The following SORBS3 variants were observed in gnomAD, a reference collection of about 807,000 sequenced individuals.
SORBS3 encodes the protein vinexin.
Under a neutral mutation model 98.0 loss-of-function variants are expected in SORBS3, and 69 were observed. The observed-to-expected ratio is 0.70, with a 90% confidence interval of 0.58 to 0.86. SORBS3 has a LOEUF of 0.86. SORBS3 is among the 40% of genes least tolerant of loss of function. The pLI is 0.00. For missense variants in SORBS3, 954 were observed against 908.5 expected (o/e 1.05, Z -0.64); for synonymous variants, 394 against 355.4 (o/e 1.11, Z -1.22).
rs1323403534 is a variant in SORBS3, at chr8:22,575,051, A to G, written c.*323A>G. 3.9e-6 allele frequency: 2 copies of G among 510,294 alleles called. No individual in the cohort carries two copies. The highest frequency in any genetic ancestry group is 3.9e-5 in the African/African-American group (2 of 51,450). 31.6% of individuals were successfully genotyped at this position (510,294 alleles called of 1,614,324 possible). Reference sequence around the variant, plus strand: ...AAGTCCCCCACCCCCATCCTGCTCCAGCGTTTCCTCTAACAGGGACCAGCT... The same window carrying G: ...AAGTCCCCCACCCCCATCCTGCTCCGGCGTTTCCTCTAACAGGGACCAGCT... On this transcript the variant is annotated 3_prime_UTR_variant, in exon 21 of 21. Coordinates refer to ENST00000240123, the MANE Select transcript of SORBS3 (RefSeq NM_005775.5).
chr8:22,561,171 G>A (rs1314600303), intron 5 of SORBS3, 164 bp from the exon 6 acceptor site: 2 of 655,770 alleles, frequency 3.0e-6, no homozygotes, highest in Non-Finnish European at 5.0e-6. Flanking sequence ...CCTCCAGAGA[G>A]CTGCCCTCCT....
chr8:22,551,837 G>A (rs540660496), upstream of SORBS3: 287 of 985,700 alleles, frequency 2.9e-4, no homozygotes, highest in African/African-American at 4.6e-3. The surrounding 1 kb of genome is among the most constrained non-coding windows in gnomAD (Gnocchi z 5.8). Flanking sequence ...GCGCCCCTTC[G>A]GCCTCCCTCT....
chr8:22,556,925 G>A lies in SORBS3; in HGVS notation c.414+17G>A, dbSNP rs778276548. ...CCCCGATCCGTGAGTCCAGGGCTGG[G>A]GGCCACGGAGAGATGGGGCCCAGGG... On this transcript the variant is annotated intron_variant, in intron 4 of 20. Coordinates refer to ENST00000240123, the MANE Select transcript of SORBS3 (RefSeq NM_005775.5). 1 of 1,610,726 alleles carries A rather than the reference G, an allele frequency of 6.2e-7. No individual in the cohort carries two copies.
In SORBS3 at chr8:22,564,437, C is replaced by T. The variant is rs544909666; in HGVS notation, c.763-31C>T. 2.3e-5 allele frequency: 37 copies of T among 1,614,074 alleles called. No individual in the cohort carries two copies. In the South Asian group the frequency reaches 3.5e-4, roughly 15 times the overall value. ...TGATACATTTTGGAAAGTGAGTTCA[C>T]CTGCTCTGACACACCCTTTCTACCC... On this transcript the variant is annotated intron_variant, in intron 9 of 20. Transcript: ENST00000240123.
chr8:22,562,218 T>G (rs772690035), intron 7 of SORBS3, among the ~76,000 whole-genome samples: 1 of 152,132 alleles, frequency 6.6e-6, no homozygotes, highest in Non-Finnish European at 1.5e-5. Context: ...GCAGGAACTC[T>G]TTGCCCCAAA....
chr8:22,572,497 T>A (rs117852268), intron 20 of SORBS3, 51 bp downstream of exon 20: 16,411 of 1,407,194 alleles, frequency 0.012, 168 homozygotes, highest in South Asian at 0.031. Flanking sequence ...GGGATGTGGG[T>A]GGGGTGCTGT....
intron 1 of SORBS3, among the ~76,000 whole-genome samples, chr8:22,553,668 G>C (rs990204912): frequency 2.0e-5 from 3 of 152,302 alleles, no homozygotes; most frequent in Non-Finnish European, 2.9e-5. Context: ...AGGGGCGGGA[G>C]AAAGTGGAGC....
intron 10 of SORBS3, 177 bp downstream of exon 10, chr8:22,564,698 G>C: frequency 7.1e-7 from 1 of 1,401,454 alleles, no homozygotes; most frequent in Non-Finnish European, 9.4e-7. Flanking sequence ...GAGGCGCTCA[G>C]TAAACATGTG....
chr8:22,569,300 G>A (rs778209608), intron 17 of SORBS3, 27 bp downstream of exon 17: 11 of 1,558,286 alleles, frequency 7.1e-6, no homozygotes, highest in Non-Finnish European at 9.6e-6. Context: ...ACGGAGGGGT[G>A]GGTGGGGGCA....
intron 20 of SORBS3, among the ~76,000 whole-genome samples, chr8:22,574,172 C>G (rs1339143407): frequency 6.6e-6 from 1 of 151,392 alleles, no homozygotes; most frequent in East Asian, 2.1e-4. Context: ...CGCTGGGGTT[C>G]CCCCCCCTCC....
At chr8:22,561,433 G>A (rs1334227988) in intron 6 of SORBS3, 60 bp downstream of exon 6, 8 of 1,599,190 alleles carry the variant, frequency 5.0e-6, no homozygotes, top group African/African-American at 2.7e-5. Flanking sequence ...GCCCCTCCCT[G>A]GGGCTGGGAC....
At position 22,572,497 on chromosome 8, in the gene SORBS3, T is replaced by G. The variant is rs117852268; in HGVS notation, c.1954+51T>G. 3 of 1,407,306 alleles carry G rather than the reference T, an allele frequency of 2.1e-6. No individual in the cohort carries two copies. In the East Asian group the frequency reaches 6.8e-5, roughly 32 times the overall value. The allele number at this position is 1,407,306 out of a possible 1,614,324, so 87.2% of individuals were successfully genotyped here. A position where few individuals can be genotyped will look rare whatever the true frequency, so the allele number is the denominator to read the frequency against. ...ATCTCAGGGCCCCAGGGGATGTGGGTGGGGTGCTGTTGCCTGCCAGTGCTG... is the reference window on the plus strand; with the variant it reads ...ATCTCAGGGCCCCAGGGGATGTGGGGGGGGTGCTGTTGCCTGCCAGTGCTG... On this transcript the variant is annotated intron_variant, in intron 20 of 20. Coordinates refer to ENST00000240123, the MANE Select transcript of SORBS3 (RefSeq NM_005775.5).
Position 22,565,877 on chromosome 8 carries a change from G to C in SORBS3, c.950+5G>C. On this transcript the variant is annotated splice_donor_5th_base_variant and intron_variant, in intron 12 of 20. Transcript: ENST00000240123. Reference sequence around the variant, plus strand: ...GGAGCAGCGGCCCCCGGCCGGGTGAGTGGGAGACGCGGGAGGAGGAAGGGG... The same window carrying C: ...GGAGCAGCGGCCCCCGGCCGGGTGACTGGGAGACGCGGGAGGAGGAAGGGG... The C allele has an allele frequency of 8.0e-7, 1 of 1,256,854 alleles. No homozygotes were observed. Among genetic ancestry groups the C allele is most frequent in the Non-Finnish European group, 1.0e-6 (1 of 1,001,226 alleles). The allele number at this position is 1,256,854 out of a possible 1,614,324, so 77.9% of individuals were successfully genotyped here.
At position 22,566,365 on chromosome 8, in the gene SORBS3, C is replaced by A; in HGVS notation, c.971C>A (p.Ser324Tyr). The change falls in exon 13 of 21, where the codon TCC becomes TAC. Residue 324 changes from serine (S) to tyrosine (Y), a missense_variant. Coordinates refer to ENST00000240123, the MANE Select transcript of SORBS3 (RefSeq NM_005775.5). ...PPAGPASAWS[S>Y]SYPHAPYLGS... ...TGCAGCCCGGCCTCAGCCTGGAGCT[C>A]CAGCTACCCACATGCACCTTACCTG... The A allele has an allele frequency of 1.2e-6, 2 of 1,613,834 alleles. No individual in the cohort carries two copies. Among genetic ancestry groups the A allele is most frequent in the Non-Finnish European group, 1.7e-6 (2 of 1,179,928 alleles).
At position 22,561,868 on chromosome 8, in the gene SORBS3, C is replaced by T. The variant is rs1403629029; in HGVS notation, c.521C>T (p.Pro174Leu). Residue 174 changes from proline to leucine, a missense_variant, in exon 7 of 21, where the codon CCC becomes CTC. By Grantham distance (98) the Pro-to-Leu change is moderately conservative. Transcript: ENST00000240123. The stretch of plus-strand genomic sequence containing the variant: ...TCCTCGTGTACCTCCTCTGCAGACC[C>T]CAGGCATCTAGGAGCCCAGCAAAGA... ...DWTFEEPPRD[P>L]RHLGAQQRPA... 1.9e-6 allele frequency: 3 copies of T among 1,614,144 alleles called. No homozygotes were observed. The South Asian group carries it at 3.3e-5, about 18-fold the overall frequency.
At chr8:22,550,671 C>T (rs1271216236), upstream of SORBS3, among the ~76,000 whole-genome samples, 1 of 152,256 alleles carries the variant, frequency 6.6e-6, no homozygotes, top group Non-Finnish European at 1.5e-5. Context: ...TACTCTCTTT[C>T]TTTCCAAACT....
chr8:22,550,015 A>G (rs1840057964), upstream of SORBS3: 2 of 985,324 alleles, frequency 2.0e-6, no homozygotes, highest in African/African-American at 1.7e-5. Flanking sequence ...GAAGGAAGAA[A>G]GTGAAAGCGA....
At chr8:22,563,860 C>T (rs931878305) in intron 7 of SORBS3, 127 bp from the exon 8 acceptor site, 65 of 697,472 alleles carry the variant, frequency 9.3e-5, no homozygotes, top group African/African-American at 1.8e-4. Flanking sequence ...TCCAGAGTAA[C>T]GGCAGGGCAG....
In SORBS3 at chr8:22,569,424, C is replaced by T. The variant is rs1038810860; in HGVS notation, c.1431+151C>T. 28 of 640,364 alleles carry T rather than the reference C, an allele frequency of 4.4e-5. No individual in the cohort carries two copies. In the African/African-American group the frequency reaches 5.0e-4, roughly 11 times the overall value. The allele number at this position is 640,364 out of a possible 1,614,324, so 39.7% of individuals were successfully genotyped here. On this transcript the variant is annotated intron_variant, in intron 17 of 20. Transcript: ENST00000240123. ...GTGCCATCTCGGCTCACTGCAACCTCCGCCTCCCGGGTTCAAGCAATTCTC... is the reference window on the plus strand; with the variant it reads ...GTGCCATCTCGGCTCACTGCAACCTTCGCCTCCCGGGTTCAAGCAATTCTC...
Sources: gnomAD v4.1 joint callset for allele counts (sites outside exome capture counted in the v4.1 genomes callset) on GRCh38, gnomAD v4.1.1 for gene constraint, Gnocchi (gnomAD v3.1) non-coding constraint, MANE v1.5 for transcripts, NCBI Gene and HGNC (gene_info 2026-07-23, HGNC 2026-07-21) for gene names.